The following PTPRT variants were observed in gnomAD, a reference collection of about 807,000 sequenced individuals.
PTPRT encodes the protein protein tyrosine phosphatase receptor type T.
PTPRT carries 56 observed loss-of-function variants against 176.8 expected under a neutral mutation model. The observed-to-expected ratio is 0.32, with a 90% CI of 0.26 to 0.40. The LOEUF (loss-of-function observed/expected upper bound fraction) is 0.40. PTPRT is among the 10% of genes least tolerant of loss of function. The pLI, the probability that PTPRT is intolerant of heterozygous loss-of-function variation, is 1.00. For synonymous variants in PTPRT, 783 were observed against 739.0 expected (o/e 1.06, Z -0.96); for missense variants, 1,540 against 1,908.2 (o/e 0.81, Z 3.60).
intron 1 of PTPRT, among the ~76,000 whole-genome samples, chr20:43,006,760 C>T (rs2146141925): frequency 6.6e-6 from 1 of 152,356 alleles, no homozygotes; most frequent in East Asian, 1.9e-4. Context: ...CGACCCTCCG[C>T]TGCTCAGCAG....
At chr20:42,646,882 C>CT (rs1161994908) in intron 7 of PTPRT, among the ~76,000 whole-genome samples, 1,647 of 76,282 alleles carry the variant, frequency 0.022, 310 homozygotes, top group Non-Finnish European at 0.027. Context: ...CTAAGACAGC[C>CT]TTTTTTTTTT....
intron 6 of PTPRT, among the ~76,000 whole-genome samples, chr20:42,694,360 G>C (rs529179349): frequency 6.6e-6 from 1 of 151,996 alleles, no homozygotes; most frequent in African/African-American, 2.4e-5. Context: ...TTGTGTGCAC[G>C]GATAGTTCAT....
chr20:42,731,989 A>G (rs1220939153), intron 6 of PTPRT, among the ~76,000 whole-genome samples: 1 of 152,156 alleles, frequency 6.6e-6, no homozygotes, highest in African/African-American at 2.4e-5. Context: ...GGAGCCCCCT[A>G]CTTACTTTCT....
intron 7 of PTPRT, among the ~76,000 whole-genome samples, chr20:42,616,580 T>A (rs1473610402): frequency 2.5e-5 from 3 of 120,122 alleles, no homozygotes; most frequent in Non-Finnish European, 5.0e-5. Context: ...GCATGGAATG[T>A]TCTTCCATTT....
chr20:42,815,495 A>C (rs1164507619), intron 2 of PTPRT, among the ~76,000 whole-genome samples: 1 of 152,242 alleles, frequency 6.6e-6, no homozygotes, highest in Non-Finnish European at 1.5e-5. Flanking sequence ...CATTTGCTTC[A>C]GCACAACAAG....
At chr20:43,102,048 C>T (rs1415658300) in intron 1 of PTPRT, among the ~76,000 whole-genome samples, 2 of 152,108 alleles carry the variant, frequency 1.3e-5, no homozygotes, top group Non-Finnish European at 2.9e-5. Flanking sequence ...GACAGAAGGG[C>T]AAAAGGGCAT....
intron 27 of PTPRT, among the ~76,000 whole-genome samples, chr20:42,089,783 G>A (rs1283663566): frequency 2.0e-5 from 3 of 152,172 alleles, no homozygotes; most frequent in East Asian, 3.8e-4. Context: ...TCTGCAGCCC[G>A]GGACACTGCA....
rs190021886 is a variant in PTPRT at position 42,885,874 on chromosome 20, G to A, written c.147C>T (p.Thr49=). ...SNCGYSVALG[T]NGFTWEQINT... ...TAATCTGCTCCCAGGTGAACCCATTGGTCCCTAGAGCCACACTATAACCAC... is the reference window on the plus strand; with the variant it reads ...TAATCTGCTCCCAGGTGAACCCATTAGTCCCTAGAGCCACACTATAACCAC... The change falls in exon 2 of 31, where the codon ACC becomes ACT. Residue 49 remains threonine, a synonymous_variant. Coordinates refer to ENST00000373187, the MANE Select transcript of PTPRT (RefSeq NM_007050.6). 9.3e-5 allele frequency: 150 copies of A among 1,611,004 alleles called. No homozygotes were observed. The East Asian group carries it at 3.3e-3, about 35-fold the overall frequency.
chr20:42,527,104 C>T (rs1260441045), intron 7 of PTPRT, among the ~76,000 whole-genome samples: 1 of 151,726 alleles, frequency 6.6e-6, no homozygotes, highest in Non-Finnish European at 1.5e-5. Flanking sequence ...ACTGGGACTA[C>T]AGGCGCCTGC....
chr20:43,188,753 G>GGGGC lies in PTPRT; in HGVS notation c.88+892_88+893insGCCC, dbSNP rs1555845649. Among the ~76,000 whole-genome samples, 7 of 150,498 alleles carry GGGGC rather than the reference G, an allele frequency of 4.7e-5. 1 individual carries two copies. Among genetic ancestry groups the GGGGC allele is most frequent in the Admixed American group, 4.6e-4 (7 of 15,068 alleles). On this transcript the variant is annotated intron_variant, in intron 1 of 30. Coordinates refer to ENST00000373187, the MANE Select transcript of PTPRT (RefSeq NM_007050.6). ...TCTTCCCTCCGCCGCTACTCTTGGG[G>GGGGC]GGGGGGGGGCTCGGGGGTGGAAGCT...
intron 1 of PTPRT, among the ~76,000 whole-genome samples, chr20:43,023,107 T>G (rs1035619634): frequency 2.6e-5 from 4 of 152,184 alleles, no homozygotes; most frequent in Non-Finnish European, 5.9e-5. Context: ...CTAAGAAATA[T>G]GAAGGACCAG....
rs1568652449 is a variant in PTPRT, at chr20:42,184,589, T to TTCTTCTTCC, written c.2491+14650_2491+14651insGGAAGAAGA. Among the ~76,000 whole-genome samples, 4 of 143,568 alleles carry TTCTTCTTCC rather than the reference T, an allele frequency of 2.8e-5. 1 individual carries two copies. The highest frequency in any genetic ancestry group is 4.7e-4 in the South Asian group (2 of 4,298). The allele number at this position is 143,568 out of a possible 152,430, so 94.2% of individuals were successfully genotyped here. ...CTTCTTCTTCTTCTTCTTCTTCTTCTTCTTCCTCTTCTTCTTCTTCTTCTT... is the reference window on the plus strand; with the variant it reads ...CTTCTTCTTCTTCTTCTTCTTCTTCTTCTTCTTCCTCTTCCTCTTCTTCTTCTTCTTCTT... On this transcript the variant is annotated intron_variant, in intron 16 of 30. Coordinates refer to ENST00000373187, the MANE Select transcript of PTPRT (RefSeq NM_007050.6).
intron 1 of PTPRT, among the ~76,000 whole-genome samples, chr20:42,955,070 C>T (rs761597551): frequency 2.0e-5 from 3 of 152,014 alleles, no homozygotes; most frequent in Admixed American, 6.6e-5. Context: ...GTTTAAGAAA[C>T]GCCGCACACT....
At chr20:42,112,400 C>T (rs1000843194) in intron 22 of PTPRT, among the ~76,000 whole-genome samples, 5 of 152,198 alleles carry the variant, frequency 3.3e-5, no homozygotes, top group African/African-American at 1.2e-4. Flanking sequence ...CCTTCAGTGA[C>T]TGACTGATAG....
At chr20:42,560,722 G>C (rs1044598110) in intron 7 of PTPRT, among the ~76,000 whole-genome samples, 1 of 152,160 alleles carries the variant, frequency 6.6e-6, no homozygotes, top group Non-Finnish European at 1.5e-5. Flanking sequence ...TGGAGGTGCT[G>C]TGTCCTTTAG....
chr20:42,468,992 A>G (rs1275966759), intron 8 of PTPRT, among the ~76,000 whole-genome samples: 1 of 152,160 alleles, frequency 6.6e-6, no homozygotes, highest in African/African-American at 2.4e-5. Flanking sequence ...AGATGTCTGG[A>G]CATGTCTACA....
At chr20:42,108,007 A>AAGAG (rs560812735) in intron 23 of PTPRT, among the ~76,000 whole-genome samples, 195 of 152,124 alleles carry the variant, frequency 1.3e-3, no homozygotes, top group African/African-American at 4.5e-3. Flanking sequence ...GCGGGGACTC[A>AAGAG]AGAGACTTGG....
intron 7 of PTPRT, among the ~76,000 whole-genome samples, chr20:42,523,463 A>G (rs1483936496): frequency 2.0e-5 from 3 of 152,174 alleles, no homozygotes; most frequent in Non-Finnish European, 2.9e-5. Context: ...TTTGTAATTT[A>G]TAGGGATAAC....
chr20:42,120,328 C>G (rs1388954388), intron 19 of PTPRT, among the ~76,000 whole-genome samples: 1 of 152,138 alleles, frequency 6.6e-6, no homozygotes, highest in East Asian at 1.9e-4. Flanking sequence ...AAAAGTCTTT[C>G]TTGAGCCATG....
Sources: gnomAD v4.1 joint callset for allele counts (sites outside exome capture counted in the v4.1 genomes callset) on GRCh38, gnomAD v4.1.1 for gene constraint, MANE v1.5 for transcripts, NCBI Gene and HGNC (gene_info 2026-07-23, HGNC 2026-07-21) for gene names.